The following PAM variants were observed in gnomAD, a reference collection of about 807,000 sequenced individuals.
The protein encoded by PAM is peptidylglycine alpha-amidating monooxygenase, also known as peptidyl-glycine alpha-amidating monooxygenase.
In PAM, 72 loss-of-function variants were observed where a neutral mutation model predicts 122.1. The observed-to-expected ratio is 0.59, with a 90% CI of 0.49 to 0.72. PAM has a LOEUF of 0.72. Ranked by LOEUF, PAM falls within the 30% of genes least tolerant of loss-of-function variation. The pLI is 0.00. For synonymous variants in PAM, 389 were observed against 404.4 expected (o/e 0.96, Z 0.46); for missense variants, 1,106 against 1,183.7 (o/e 0.93, Z 0.96).
Position 102,949,586 on chromosome 5 carries a change from C to A in PAM, c.693C>A (p.Val231=), listed in dbSNP as rs370927449. 5.9e-6 allele frequency: 9 copies of A among 1,537,292 alleles called. No individual in the cohort carries two copies. The highest frequency in any genetic ancestry group is 7.2e-6 in the Non-Finnish European group (8 of 1,110,330). ...ATTATAAAAATTATCCAATGCATGT[C>A]TTTGCCTATAGAGTTCACACTCACC... The part of the protein sequence containing the change: ...SCHYKNYPMH[V]FAYRVHTHHL... Residue 231 remains valine (V), a synonymous_variant, in exon 10 of 26, where the codon GTC becomes GTA. Coordinates refer to ENST00000438793, the MANE Select transcript of PAM (RefSeq NM_001177306.2).
chr5:102,861,211 A>G (rs751251817), intron 1 of PAM, among the ~76,000 whole-genome samples: 17 of 152,232 alleles, frequency 1.1e-4, no homozygotes, highest in Non-Finnish European at 2.2e-4. Flanking sequence ...CATCTAAACT[A>G]CAACCTCATA....
chr5:102,933,539 CT>C (rs1389681944), intron 7 of PAM, among the ~76,000 whole-genome samples: 1 of 152,222 alleles, frequency 6.6e-6, no homozygotes, highest in Non-Finnish European at 1.5e-5. Context: ...GGGTGTGCAT[CT>C]GTGTATTCAC....
At chr5:103,011,436 G>A (rs1354708082) in intron 21 of PAM, among the ~76,000 whole-genome samples, 1 of 151,290 alleles carries the variant, frequency 6.6e-6, no homozygotes, top group African/African-American at 2.4e-5. Context: ...CCCAGGCTCT[G>A]GTAACCATCC....
chr5:102,903,440 G>A (rs958930317), intron 4 of PAM, among the ~76,000 whole-genome samples: 5 of 151,604 alleles, frequency 3.3e-5, no homozygotes, highest in East Asian at 2.0e-4. Flanking sequence ...TTTTGCATGC[G>A]TTATCTCGTT....
chr5:102,924,940 CTTTTTA>C lies in PAM; in HGVS notation c.357-12_357-7del, dbSNP rs1748908642. 4 of 1,287,776 alleles carry C rather than the reference CTTTTTA, an allele frequency of 3.1e-6. No homozygotes were observed. Among genetic ancestry groups the C allele is most frequent in the Non-Finnish European group, 4.5e-6 (4 of 882,136 alleles). The allele number at this position is 1,287,776 out of a possible 1,614,324, so 79.8% of individuals were successfully genotyped here. ...ACTATTTAAATCTTCATTTATACTACTTTTTATTTTCTTCAGGTTTTGTGATGAAGG... is the reference window on the plus strand; with the variant it reads ...ACTATTTAAATCTTCATTTATACTACTTTTCTTCAGGTTTTGTGATGAAGG... On this transcript the variant is annotated splice_polypyrimidine_tract_variant and intron_variant, in intron 5 of 25. Transcript: ENST00000438793.
chr5:102,758,041 CAAA>C (rs3072349), intron 1 of PAM, among the ~76,000 whole-genome samples: 1,757 of 94,598 alleles, frequency 0.019, 85 homozygotes, highest in African/African-American at 0.033. Context: ...GGCCCTGTCT[CAAA>C]AAAAAAAAAA....
chr5:102,955,827 A>G (rs1048320663), intron 12 of PAM, among the ~76,000 whole-genome samples: 2 of 147,328 alleles, frequency 1.4e-5, no homozygotes, highest in East Asian at 2.0e-4. Flanking sequence ...TTAAGGGTAC[A>G]TGTGTCAAAA....
chr5:102,954,046 AT>A (rs1280678506), intron 12 of PAM, among the ~76,000 whole-genome samples: 9 of 152,134 alleles, frequency 5.9e-5, no homozygotes, highest in Non-Finnish European at 1.0e-4. Context: ...AAATAAAAAA[AT>A]ATTAAAAAAA....
At chr5:102,777,893 C>T (rs258236) in intron 1 of PAM, among the ~76,000 whole-genome samples, 67,819 of 152,012 alleles carry the variant, frequency 0.45, 15,555 homozygotes, top group African/African-American at 0.55. Context: ...TAGCGATTAA[C>T]ATGGGGTGGT....
At chr5:102,771,803 C>T (rs777117735) in intron 1 of PAM, among the ~76,000 whole-genome samples, 10 of 152,108 alleles carry the variant, frequency 6.6e-5, no homozygotes, top group Admixed American at 2.6e-4. Context: ...GGTTTGTCAC[C>T]CCAGTGGCTT....
intron 9 of PAM, among the ~76,000 whole-genome samples, chr5:102,949,024 A>G (rs1437588507): frequency 2.0e-5 from 3 of 152,096 alleles, no homozygotes; most frequent in Non-Finnish European, 4.4e-5. Flanking sequence ...AATCTCTTAA[A>G]GTTAATGACC....
At chr5:102,912,862 C>A (rs143725643) in intron 4 of PAM, among the ~76,000 whole-genome samples, 2 of 151,964 alleles carry the variant, frequency 1.3e-5, no homozygotes, top group African/African-American at 2.4e-5. Flanking sequence ...TTTGTCTCTT[C>A]TGAAAGTTAT....
intron 14 of PAM, among the ~76,000 whole-genome samples, chr5:102,970,867 C>T (rs567992262): frequency 6.6e-5 from 10 of 152,034 alleles, no homozygotes; most frequent in Middle Eastern, 3.4e-3. Context: ...AGTGCAGTGG[C>T]GTGATCTCAG....
At chr5:102,900,168 G>C (rs993892588) in intron 3 of PAM, among the ~76,000 whole-genome samples, 3 of 148,316 alleles carry the variant, frequency 2.0e-5, no homozygotes, top group Non-Finnish European at 3.0e-5. Flanking sequence ...TCTCCTTGAA[G>C]GGTGATAGGA....
Position 103,029,698 on chromosome 5 carries a change from A to G in PAM, c.*633A>G, listed in dbSNP as rs1465912194. On this transcript the variant is annotated 3_prime_UTR_variant, in exon 26 of 26. Transcript: ENST00000438793. ...GAATCTGAATGTAATTTGTGTAATA[A>G]AGTGTTTTCAGAGCATTAGCTGTCA... 7.0e-6 allele frequency: 1 copy of G among 143,032 alleles called. No individual in the cohort carries two copies. The highest frequency in any genetic ancestry group is 1.5e-5 in the Non-Finnish European group (1 of 66,326). The allele number at this position is 143,032 out of a possible 1,614,324, so 8.9% of individuals were successfully genotyped here. A position where few individuals can be genotyped will look rare whatever the true frequency, so the allele number is the denominator to read the frequency against.
At chr5:102,755,698 G>C (rs887774338) in intron 1 of PAM, among the ~76,000 whole-genome samples, 2 of 151,774 alleles carry the variant, frequency 1.3e-5, no homozygotes, top group East Asian at 3.9e-4. Flanking sequence ...TCCCTAGGGG[G>C]TACAATTTGT....
chr5:102,968,363 A>G (rs1002335757), intron 14 of PAM, among the ~76,000 whole-genome samples: 3 of 152,176 alleles, frequency 2.0e-5, no homozygotes, highest in Admixed American at 2.0e-4. Context: ...TCCCAGTTCA[A>G]TTTCCTACCA....
intron 1 of PAM, among the ~76,000 whole-genome samples, chr5:102,799,940 G>A (rs540646544): frequency 2.9e-4 from 44 of 152,350 alleles, no homozygotes; most frequent in African/African-American, 1.0e-3. Context: ...TTTGGGGACT[G>A]TGTTGAATGC....
intron 1 of PAM, among the ~76,000 whole-genome samples, chr5:102,807,560 G>A (rs1766566753): frequency 6.6e-6 from 1 of 152,140 alleles, no homozygotes. Flanking sequence ...GTGTTTTCTG[G>A]ATAAGTGATG....
Sources: gnomAD v4.1 joint callset for allele counts (sites outside exome capture counted in the v4.1 genomes callset) on GRCh38, gnomAD v4.1.1 for gene constraint, MANE v1.5 for transcripts, NCBI Gene and HGNC (gene_info 2026-07-23, HGNC 2026-07-21) for gene names.